Variants in COL24A1 observed in about 807,000 individuals in gnomAD.
COL24A1 encodes the protein collagen alpha-1(XXIV) chain.
A neutral mutation model predicts 253.9 loss-of-function variants in COL24A1; 224 were observed. That is an observed-to-expected ratio of 0.88 (90% CI 0.79 to 0.99). The LOEUF is 0.99. Ranked by LOEUF, COL24A1 falls within the 50% of genes least tolerant of loss-of-function variation. COL24A1 has a pLI of 0.00. For synonymous variants in COL24A1, 685 were observed against 673.7 expected (o/e 1.02, Z -0.26); for missense variants, 2,131 against 2,068.5 (o/e 1.03, Z -0.59).
chr1:86,016,306 A>T (rs1285150787), intron 19 of COL24A1, among the ~76,000 whole-genome samples: 1 of 152,216 alleles, frequency 6.6e-6, no homozygotes, highest in Non-Finnish European at 1.5e-5. Flanking sequence ...TTACAAAGAG[A>T]GGGAGACAGC....
At chr1:85,898,917 A>C (rs1684021420) in intron 28 of COL24A1, among the ~76,000 whole-genome samples, 1 of 152,206 alleles carries the variant, frequency 6.6e-6, no homozygotes, top group South Asian at 2.1e-4. Flanking sequence ...GTAAGATTGC[A>C]AGCTATACAA....
At chr1:85,906,851 T>G (rs1038265357) in intron 28 of COL24A1, among the ~76,000 whole-genome samples, 1 of 152,034 alleles carries the variant, frequency 6.6e-6, no homozygotes, top group Middle Eastern at 3.4e-3. Context: ...TTATTTTTCC[T>G]TGCTATGTAA....
chr1:86,149,706 C>T (rs1507277), intron 1 of COL24A1, among the ~76,000 whole-genome samples: 82,550 of 151,922 alleles, frequency 0.54, 22,913 homozygotes, highest in Non-Finnish European at 0.62. Flanking sequence ...CCCCAATGAC[C>T]TCAGTGGAGA....
intron 2 of COL24A1, among the ~76,000 whole-genome samples, chr1:86,144,723 TC>T (rs1651638415): frequency 6.8e-6 from 1 of 147,322 alleles, no homozygotes; most frequent in South Asian, 2.2e-4. Flanking sequence ...TCTTGGTTCT[TC>T]CATTCATTAA....
At chr1:85,824,194 T>C (rs999516461) in intron 43 of COL24A1, among the ~76,000 whole-genome samples, 1 of 152,050 alleles carries the variant, frequency 6.6e-6, no homozygotes, top group Non-Finnish European at 1.5e-5. Context: ...GAAGGCCAGG[T>C]GAAGACAGAG....
At chr1:85,880,143 T>C (rs1681657244) in intron 32 of COL24A1, among the ~76,000 whole-genome samples, 2 of 152,236 alleles carry the variant, frequency 1.3e-5, no homozygotes, top group African/African-American at 2.4e-5. Context: ...TGAGTCTTTC[T>C]ACCCATAACC....
intron 57 of COL24A1, among the ~76,000 whole-genome samples, chr1:85,740,255 G>A (rs541155482): frequency 2.6e-4 from 39 of 152,186 alleles, no homozygotes; most frequent in Non-Finnish European, 4.3e-4. Flanking sequence ...ACAGTAATAT[G>A]GTGTTTCCAG....
intron 35 of COL24A1, among the ~76,000 whole-genome samples, chr1:85,869,257 C>T (rs1680139989): frequency 6.6e-6 from 1 of 152,004 alleles, no homozygotes. Flanking sequence ...ACCACTCTAC[C>T]AGATTTTTAG....
At chr1:85,955,503 G>A (rs1016689993) in intron 24 of COL24A1, among the ~76,000 whole-genome samples, 1 of 152,206 alleles carries the variant, frequency 6.6e-6, no homozygotes, top group South Asian at 2.1e-4. Flanking sequence ...ATGCCCACTG[G>A]GGCTTTGGGA....
At chr1:86,155,264 C>A (rs1653377297) in intron 1 of COL24A1, 1 of 152,020 alleles carries the variant, frequency 6.6e-6, no homozygotes, top group Non-Finnish European at 1.5e-5. Context: ...CCAGGCTGGG[C>A]TGCACGCGGC....
chr1:86,065,509 T>C (rs1701399225), intron 7 of COL24A1, among the ~76,000 whole-genome samples: 1 of 152,180 alleles, frequency 6.6e-6, no homozygotes, highest in African/African-American at 2.4e-5. Flanking sequence ...CATGCAGTCA[T>C]GATCTGTTTT....
chr1:85,979,302 A>G (rs1693008846), intron 20 of COL24A1, among the ~76,000 whole-genome samples: 1 of 152,150 alleles, frequency 6.6e-6, no homozygotes, highest in African/African-American at 2.4e-5. Context: ...AGAACAAATA[A>G]AACCCAAACC....
chr1:86,044,603 G>A (rs779520875), intron 12 of COL24A1, among the ~76,000 whole-genome samples: 26 of 152,176 alleles, frequency 1.7e-4, no homozygotes, highest in South Asian at 1.2e-3. Flanking sequence ...GAAGAACAGT[G>A]CAATCAAACA....
chr1:85,993,086 A>T (rs1224678231), intron 19 of COL24A1, among the ~76,000 whole-genome samples: 1 of 151,732 alleles, frequency 6.6e-6, no homozygotes, highest in Non-Finnish European at 1.5e-5. Flanking sequence ...TTTTTTTTTT[A>T]AAGCAAAACC....
chr1:85,909,334 T>G (rs759119481), intron 26 of COL24A1, among the ~76,000 whole-genome samples: 1 of 151,968 alleles, frequency 6.6e-6, no homozygotes, highest in Non-Finnish European at 1.5e-5. Flanking sequence ...CCAGATCCAT[T>G]ACAAGGCATT....
At chr1:86,078,276 C>T (rs1280184380) in intron 7 of COL24A1, among the ~76,000 whole-genome samples, 3 of 152,024 alleles carry the variant, frequency 2.0e-5, no homozygotes, top group Non-Finnish European at 2.9e-5. Flanking sequence ...AAAATACCCT[C>T]AAAAACTGGA....
At chr1:86,060,674 G>A (rs1486303261) in intron 8 of COL24A1, among the ~76,000 whole-genome samples, 2 of 151,588 alleles carry the variant, frequency 1.3e-5, no homozygotes, top group Non-Finnish European at 2.9e-5. Flanking sequence ...TATTTGCTAA[G>A]CGTTTTACAT....
chr1:85,858,671 CCTTCCT>C (rs1678778476), intron 37 of COL24A1, among the ~76,000 whole-genome samples: 4 of 150,380 alleles, frequency 2.7e-5, no homozygotes, highest in African/African-American at 9.8e-5. Context: ...TTCCTTCCTT[CCTTCCT>C]TCCCTCCGTC....
At chr1:86,108,620 T>TAAAAAAAAAAAAAAAAAAAAAAA (rs55852463) in intron 5 of COL24A1, among the ~76,000 whole-genome samples, 1 of 83,102 alleles carries the variant, frequency 1.2e-5, no homozygotes, top group African/African-American at 5.1e-5. Flanking sequence ...CCATCTCTAC[T>TAAAAAAAAAAAAAAAAAAAAAAA]AAAAAAAAAA....
Sources: gnomAD v4.1 joint callset for allele counts (sites outside exome capture counted in the v4.1 genomes callset) on GRCh38, gnomAD v4.1.1 for gene constraint, MANE v1.5 for transcripts, NCBI Gene and HGNC (gene_info 2026-07-23, HGNC 2026-07-21) for gene names.